The following FYB1 variants were observed in gnomAD, a reference collection of about 807,000 sequenced individuals.
FYB1 encodes FYN-binding protein 1.
Under a neutral mutation model 94.1 loss-of-function variants are expected in FYB1, and 41 were observed. That is an observed-to-expected ratio of 0.44 (90% CI 0.34 to 0.57). FYB1 has a LOEUF of 0.57. Ranked by LOEUF, FYB1 falls within the 20% of genes least tolerant of loss-of-function variation. The pLI is 0.02. For synonymous variants in FYB1, 367 were observed against 353.2 expected (o/e 1.04, Z -0.44); for missense variants, 1,050 against 976.8 (o/e 1.07, Z -1.00).
chr5:39,260,295 G>GT (rs1389406866), intron 1 of FYB1, among the ~76,000 whole-genome samples: 8 of 152,024 alleles, frequency 5.3e-5, no homozygotes, highest in African/African-American at 1.9e-4. Context: ...TATAAATAAA[G>GT]TTTTATTGGA....
Position 39,119,046 on chromosome 5 carries a change from A to G in FYB1, c.2239-10T>C. ...TAATTTCACCATCATACTAAAAAAA[A>G]AAGAACAATATTTAAATTATTGGTT... On this transcript the variant is annotated splice_polypyrimidine_tract_variant and intron_variant, in intron 15 of 18. Transcript: ENST00000512982. 1 of 1,235,638 alleles carries G rather than the reference A, an allele frequency of 8.1e-7. No homozygotes were observed. Among genetic ancestry groups the G allele is most frequent in the Non-Finnish European group, 1.1e-6 (1 of 920,034 alleles). The allele number at this position is 1,235,638 out of a possible 1,614,324, so 76.5% of individuals were successfully genotyped here.
At chr5:39,242,808 C>T (rs1751272854) in intron 1 of FYB1, among the ~76,000 whole-genome samples, 1 of 152,128 alleles carries the variant, frequency 6.6e-6, no homozygotes, top group Admixed American at 6.5e-5. Flanking sequence ...CCTGCTGTTT[C>T]CTGACTTTTT....
chr5:39,202,875 G>T lies in FYB1; in HGVS notation c.86C>A (p.Ser29Tyr). The T allele has an allele frequency of 6.2e-7, 1 of 1,613,976 alleles. No homozygotes were observed. Among genetic ancestry groups the T allele is most frequent in the Non-Finnish European group, 8.5e-7 (1 of 1,179,900 alleles). The change falls in exon 2 of 19, where the codon TCT (serine) becomes TAT (tyrosine). Residue 29 changes from serine to tyrosine, a missense_variant. Coordinates refer to ENST00000512982, the MANE Select transcript of FYB1 (RefSeq NM_001465.6). Reference protein sequence around the residue: ...RPFRVTGPNSSSGIQARKNLF... With the variant: ...RPFRVTGPNSYSGIQARKNLF... ...GTTCTTTCTTGCTTGTATTCCTGAA[G>T]ATGAGTTTGGCCCTGTGACTCTGAA...
At chr5:39,249,137 G>A (rs556931054) in intron 1 of FYB1, among the ~76,000 whole-genome samples, 1 of 151,874 alleles carries the variant, frequency 6.6e-6, no homozygotes, top group African/African-American at 2.4e-5. Flanking sequence ...GGAACAGTAA[G>A]CAGCCAAGCA....
chr5:39,154,870 G>T (rs2150362451), intron 2 of FYB1, among the ~76,000 whole-genome samples: 1 of 152,268 alleles, frequency 6.6e-6, no homozygotes, highest in Non-Finnish European at 1.5e-5. Context: ...GGGATTACAA[G>T]CGTGAGCCAC....
rs186843055 is a variant in FYB1 at position 39,118,830 on chromosome 5, A to G, written c.2401+44T>C. 1.2e-5 allele frequency: 15 copies of G among 1,213,494 alleles called. No individual in the cohort carries two copies. The Admixed American group carries it at 2.3e-4, about 19-fold the overall frequency. The allele number at this position is 1,213,494 out of a possible 1,614,324, so 75.2% of individuals were successfully genotyped here. ...AACTTGTTTGGTTGTTAAATTCTGGAGTGACATATATATGCACATATTATA... is the reference window on the plus strand; with the variant it reads ...AACTTGTTTGGTTGTTAAATTCTGGGGTGACATATATATGCACATATTATA... On this transcript the variant is annotated intron_variant, in intron 16 of 18. Coordinates refer to ENST00000512982, the MANE Select transcript of FYB1 (RefSeq NM_001465.6).
intron 16 of FYB1, among the ~76,000 whole-genome samples, chr5:39,111,312 T>C (rs1739058060): frequency 6.6e-6 from 1 of 152,002 alleles, no homozygotes; most frequent in Admixed American, 6.6e-5. Flanking sequence ...CTAAATAATT[T>C]CTCTCAGTGA....
chr5:39,191,217 C>T (rs1747329835), intron 2 of FYB1, among the ~76,000 whole-genome samples: 1 of 152,086 alleles, frequency 6.6e-6, no homozygotes, highest in Admixed American at 6.6e-5. Flanking sequence ...TTTTGAAAAC[C>T]AGGGGAGCTG....
intron 16 of FYB1, among the ~76,000 whole-genome samples, chr5:39,111,391 A>G (rs976160095): frequency 6.6e-6 from 1 of 151,968 alleles, no homozygotes; most frequent in African/African-American, 2.4e-5. Flanking sequence ...TGTGTTACAA[A>G]TTATAAGGAG....
Position 39,263,602 on chromosome 5 carries a change from C to A in FYB1, c.-28+10801G>T, listed in dbSNP as rs186500585. 5.7e-3 allele frequency among the ~76,000 whole-genome samples: 864 copies of A among 152,240 alleles called. 8 individuals are homozygous for A. The highest frequency in any genetic ancestry group is 0.019 in the African/African-American group (771 of 41,544). On this transcript the variant is annotated intron_variant, in intron 1 of 1. Coordinates refer to the FYB1 transcript ENST00000510188. ...TCAGAACTCCAGCCCTCACAGGGAA[C>A]CTTCTAGCTCCGTTTCCATACTCTC...
chr5:39,138,807 A>T, intron 5 of FYB1, 116 bp from the exon 6 acceptor site: 1 of 714,666 alleles, frequency 1.4e-6, no homozygotes, highest in Non-Finnish European at 2.5e-6. Context: ...AATTTGAACC[A>T]CATATTAAAT....
chr5:39,121,479 T>C (rs1740096289), intron 14 of FYB1, among the ~76,000 whole-genome samples: 1 of 152,178 alleles, frequency 6.6e-6, no homozygotes, highest in African/African-American at 2.4e-5. Context: ...CGTTTACTCA[T>C]GCATTTTTAC....
At chr5:39,162,266 T>C (rs1180905739) in intron 2 of FYB1, among the ~76,000 whole-genome samples, 1 of 152,254 alleles carries the variant, frequency 6.6e-6, no homozygotes, top group Admixed American at 6.5e-5. Context: ...GCTTATTTTA[T>C]GCTATTTTAG....
At chr5:39,169,643 G>C in intron 2 of FYB1, 1 of 442,178 alleles carries the variant, frequency 2.3e-6, no homozygotes, top group Non-Finnish European at 4.4e-6. Flanking sequence ...TCAGGAGTTC[G>C]AGACCAGTCT....
intron 1 of FYB1, among the ~76,000 whole-genome samples, chr5:39,273,585 C>T (rs903191914): frequency 6.6e-6 from 1 of 152,160 alleles, no homozygotes; most frequent in Admixed American, 6.5e-5. Flanking sequence ...ATGGGCACTG[C>T]AATTAGTCCT....
At chr5:39,241,478 G>A (rs1579765425) in intron 1 of FYB1, among the ~76,000 whole-genome samples, 2 of 152,132 alleles carry the variant, frequency 1.3e-5, no homozygotes, top group East Asian at 1.9e-4. Flanking sequence ...ACCTTCCTGT[G>A]TATGTGCATC....
chr5:39,221,907 A>G (rs1294003890), upstream of FYB1, among the ~76,000 whole-genome samples: 1 of 152,148 alleles, frequency 6.6e-6, no homozygotes, highest in Non-Finnish European at 1.5e-5. Flanking sequence ...AGGCTGAGGC[A>G]GGAGAATTGC....
chr5:39,161,588 GTTT>G (rs562344040), intron 2 of FYB1, among the ~76,000 whole-genome samples: 1 of 143,032 alleles, frequency 7.0e-6, no homozygotes. Flanking sequence ...GAGCAATCTG[GTTT>G]TTTTTTTTTT....
chr5:39,177,158 G>C (rs1745806668), intron 2 of FYB1, among the ~76,000 whole-genome samples: 1 of 152,134 alleles, frequency 6.6e-6, no homozygotes, highest in South Asian at 2.1e-4. Context: ...GTACCATCCT[G>C]AATTTAGTAA....
Sources: gnomAD v4.1 joint callset for allele counts (sites outside exome capture counted in the v4.1 genomes callset) on GRCh38, gnomAD v4.1.1 for gene constraint, MANE v1.5 for transcripts, NCBI Gene and HGNC (gene_info 2026-07-23, HGNC 2026-07-21) for gene names.